Variants in TANGO6 observed in about 807,000 individuals in gnomAD.
TANGO6 encodes the protein transport and Golgi organization protein 6 homolog.
In TANGO6, 90 loss-of-function variants were observed where a neutral mutation model predicts 114.2. That is an observed-to-expected ratio of 0.79 (90% CI 0.66 to 0.94). TANGO6 has a LOEUF of 0.94. Ranked by LOEUF, TANGO6 falls within the 40% of genes least tolerant of loss-of-function variation. TANGO6 has a pLI of 0.00. For missense variants in TANGO6, 1,274 were observed against 1,315.3 expected (o/e 0.97, Z 0.49); for synonymous variants, 477 against 509.8 (o/e 0.94, Z 0.87).
intron 15 of TANGO6, among the ~76,000 whole-genome samples, chr16:69,006,794 C>G (rs896794196): frequency 6.6e-6 from 1 of 152,038 alleles, no homozygotes. Flanking sequence ...AAATAGAATT[C>G]ATATACCATA....
chr16:68,913,149 TC>T (rs1051246823), intron 11 of TANGO6, among the ~76,000 whole-genome samples: 5 of 151,436 alleles, frequency 3.3e-5, no homozygotes, highest in African/African-American at 1.2e-4. Flanking sequence ...ACTGCAGCCT[TC>T]CACCCAATGG....
At chr16:68,976,542 G>T (rs1963767241) in intron 15 of TANGO6, among the ~76,000 whole-genome samples, 2 of 152,192 alleles carry the variant, frequency 1.3e-5, no homozygotes, top group Non-Finnish European at 2.9e-5. Context: ...AGTACACTTT[G>T]AATATTTTTA....
intron 14 of TANGO6, among the ~76,000 whole-genome samples, chr16:68,970,193 GGATATT>G (rs1246021698): frequency 2.0e-5 from 3 of 152,028 alleles, no homozygotes; most frequent in African/African-American, 7.2e-5. Flanking sequence ...AGTAAGAAAG[GGATATT>G]TCTCCAAAAG....
intron 17 of TANGO6, among the ~76,000 whole-genome samples, chr16:69,048,073 GT>G (rs937322859): frequency 1.3e-3 from 191 of 150,774 alleles, no homozygotes; most frequent in African/African-American, 4.3e-3. Flanking sequence ...GAGTTTGGGA[GT>G]TTTTTTTTCT....
intron 8 of TANGO6, 108 bp from the exon 9 acceptor site, chr16:68,902,220 C>CA: frequency 2.9e-6 from 3 of 1,039,532 alleles, no homozygotes; most frequent in Non-Finnish European, 4.1e-6. Context: ...ATTGTGCCAG[C>CA]ATTTAAAATG....
intron 16 of TANGO6, among the ~76,000 whole-genome samples, chr16:69,028,891 A>G (rs546274803): frequency 6.6e-6 from 1 of 151,908 alleles, no homozygotes; most frequent in African/African-American, 2.4e-5. Context: ...GAAAAACTAC[A>G]TAGCCATGCA....
At chr16:68,894,862 T>C (rs1042169595) in intron 7 of TANGO6, among the ~76,000 whole-genome samples, 3 of 152,122 alleles carry the variant, frequency 2.0e-5, no homozygotes, top group African/African-American at 7.2e-5. Context: ...GGAACTCCCA[T>C]ATCCATGAAG....
intron 17 of TANGO6, among the ~76,000 whole-genome samples, chr16:69,061,347 C>T (rs1182109490): frequency 1.3e-5 from 2 of 150,792 alleles, no homozygotes; most frequent in African/African-American, 4.9e-5. Flanking sequence ...GGTGGATCAC[C>T]TGAGGGTCAG....
chr16:69,077,699 C>T (rs1035931088), intron 17 of TANGO6, among the ~76,000 whole-genome samples: 1 of 151,936 alleles, frequency 6.6e-6, no homozygotes, highest in Non-Finnish European at 1.5e-5. Flanking sequence ...CGTGGTGGCA[C>T]GTGCCTGTAA....
chr16:68,848,090 G>C (rs533391815), intron 1 of TANGO6, among the ~76,000 whole-genome samples: 2 of 147,884 alleles, frequency 1.4e-5, no homozygotes, highest in African/African-American at 2.5e-5. Flanking sequence ...CTCTCTCTCT[G>C]TTTCTCTCTC....
At chr16:68,882,518 G>A (rs1962478929) in intron 7 of TANGO6, among the ~76,000 whole-genome samples, 1 of 151,548 alleles carries the variant, frequency 6.6e-6, no homozygotes, top group African/African-American at 2.4e-5. Context: ...AAGAAAACGT[G>A]TTCATAGAAA....
intron 14 of TANGO6, among the ~76,000 whole-genome samples, chr16:68,957,397 AT>A (rs57031701): frequency 0.14 from 18,557 of 134,010 alleles, 1,419 homozygotes; most frequent in African/African-American, 0.28. Context: ...GCATAACACT[AT>A]TTTTTTTTTT....
intron 14 of TANGO6, among the ~76,000 whole-genome samples, chr16:68,971,255 G>A (rs2152212197): frequency 6.6e-6 from 1 of 152,122 alleles, no homozygotes; most frequent in South Asian, 2.1e-4. Flanking sequence ...CAGTTGTGGA[G>A]GTCTTTTAGA....
At chr16:69,011,015 T>C (rs902835253) in intron 15 of TANGO6, among the ~76,000 whole-genome samples, 4 of 152,248 alleles carry the variant, frequency 2.6e-5, no homozygotes, top group African/African-American at 9.6e-5. Context: ...AATGCCCATA[T>C]GTGTGTTTGA....
chr16:68,988,541 A>T (rs528079393), intron 15 of TANGO6, among the ~76,000 whole-genome samples: 1 of 152,302 alleles, frequency 6.6e-6, no homozygotes, highest in Non-Finnish European at 1.5e-5. Flanking sequence ...ATAGAAAAAA[A>T]TCCTAAGAAA....
At chr16:68,995,362 A>G (rs772365291) in intron 15 of TANGO6, among the ~76,000 whole-genome samples, 1 of 152,206 alleles carries the variant, frequency 6.6e-6, no homozygotes, top group African/African-American at 2.4e-5. Flanking sequence ...GGGGAAATCT[A>G]TCCAGGGACT....
At chr16:68,921,607 C>CTTTTTT (rs1167059062) in intron 12 of TANGO6, among the ~76,000 whole-genome samples, 10 of 57,918 alleles carry the variant, frequency 1.7e-4, no homozygotes, top group African/African-American at 2.5e-4. Context: ...TGAGAGTGTG[C>CTTTTTT]TTTTTTTTTT....
chr16:68,982,629 C>CATTTTTTTTTT (rs1567553024), intron 15 of TANGO6, among the ~76,000 whole-genome samples: 6 of 120,536 alleles, frequency 5.0e-5, no homozygotes, highest in African/African-American at 1.6e-4. Flanking sequence ...CATGCCCTGG[C>CATTTTTTTTTT]CTTTTTTTTT....
chr16:69,048,718 G>A (rs1959900765), intron 17 of TANGO6, among the ~76,000 whole-genome samples: 1 of 152,210 alleles, frequency 6.6e-6, no homozygotes, highest in Non-Finnish European at 1.5e-5. Flanking sequence ...CTCTGTGAGA[G>A]AGAAGGCAAA....
Sources: allele counts gnomAD v4.1 joint callset (sites outside exome capture counted in the v4.1 genomes callset), GRCh38; gene constraint gnomAD v4.1.1; transcripts MANE v1.5; gene names NCBI Gene and HGNC (gene_info 2026-07-23, HGNC 2026-07-21).